Variants in RHD observed in about 807,000 individuals in gnomAD.
RHD encodes the protein Rh blood group D antigen.
A neutral mutation model predicts 45.5 loss-of-function variants in RHD; 16 were observed. That is an observed-to-expected ratio of 0.35 (90% confidence interval 0.24 to 0.53). The LOEUF (loss-of-function observed/expected upper bound fraction) is 0.53. Among genes scored for constraint, RHD ranks in the 20% least tolerant of loss-of-function variants. The probability of loss-of-function intolerance (pLI) is 0.92; values close to 1 mark genes in which losing one functional copy is unlikely to be tolerated. For missense variants in RHD, 306 were observed against 532.0 expected (o/e 0.58, Z 4.18); for synonymous variants, 131 against 217.5 (o/e 0.60, Z 3.50).
intron 8 of RHD, among the ~76,000 whole-genome samples, chr1:25,319,946 T>G (rs1207880319): frequency 7.6e-6 from 1 of 131,418 alleles, no homozygotes; most frequent in East Asian, 2.0e-4. Context: ...TTGCCCAGGC[T>G]GGAGTGCAAT....
At position 25,322,489 on chromosome 1, in the gene RHD, G is replaced by C. The variant is rs376458171; in HGVS notation, c.1227+527G>C. Among the ~76,000 whole-genome samples the C allele has an allele frequency of 6.0e-5, 8 of 132,438 alleles. No individual in the cohort carries two copies. In the East Asian group the frequency reaches 7.8e-4, roughly 13 times the overall value. The allele number at this position is 132,438 out of a possible 152,430, so 86.9% of individuals were successfully genotyped here. ...GGAGTTCGAGACCAGCCTGGCCAAC[G>C]TGTCGAAACCCCATCTCTACTAAAA... On this transcript the variant is annotated intron_variant, in intron 9 of 9. Coordinates refer to ENST00000328664, the MANE Select transcript of RHD (RefSeq NM_016124.6).
chr1:25,303,125 G>A (rs1643518385), intron 5 of RHD, among the ~76,000 whole-genome samples, 197 bp from the exon 6 acceptor site: 1 of 132,020 alleles, frequency 7.6e-6, no homozygotes, highest in Non-Finnish European at 1.8e-5. Flanking sequence ...CTGAGCCTAA[G>A]AGGCAGTAGT....
At chr1:25,313,508 T>C (rs1043338899) in intron 7 of RHD, among the ~76,000 whole-genome samples, 2 of 132,298 alleles carry the variant, frequency 1.5e-5, no homozygotes, top group African/African-American at 2.6e-5. Flanking sequence ...CACTGGGATA[T>C]AGTGTTCTGT....
chr1:25,296,948 G>T (rs1426159556), intron 3 of RHD, among the ~76,000 whole-genome samples: 2 of 130,856 alleles, frequency 1.5e-5, no homozygotes, highest in Non-Finnish European at 3.6e-5. Flanking sequence ...AAAACAAGGG[G>T]ACATTCTCTT....
At chr1:25,289,377 T>C (rs1479415070) in intron 2 of RHD, among the ~76,000 whole-genome samples, 1 of 127,430 alleles carries the variant, frequency 7.8e-6, no homozygotes, top group African/African-American at 2.6e-5. Context: ...GTATTTTTAG[T>C]TGAGACAGAG....
chr1:25,330,314 A>C lies in RHD; in HGVS notation c.*1390A>C, dbSNP rs2124196028. The C allele has an allele frequency of 7.5e-6, 1 of 133,194 alleles. No homozygotes were observed. The highest frequency in any genetic ancestry group is 2.3e-4 in the South Asian group (1 of 4,396). The allele number at this position is 133,194 out of a possible 1,614,324, so 8.3% of individuals were successfully genotyped here. On this transcript the variant is annotated 3_prime_UTR_variant, in exon 10 of 10. Transcript: ENST00000328664. ...ACACATAAACACCATTTAGTCACTG[A>C]ACATAGCTATATGTATGGTTGTTAC... is the stretch of plus-strand genomic sequence containing the variant.
At chr1:25,299,957 C>G (rs966944533) in intron 3 of RHD, among the ~76,000 whole-genome samples, 1 of 130,666 alleles carries the variant, frequency 7.7e-6, no homozygotes, top group African/African-American at 2.6e-5. Context: ...GCCATGTTGG[C>G]CAGGCTGGTA....
At chr1:25,309,354 G>A (rs1644020214) in intron 7 of RHD, among the ~76,000 whole-genome samples, 1 of 131,006 alleles carries the variant, frequency 7.6e-6, no homozygotes, top group African/African-American at 2.7e-5. Flanking sequence ...CTTGGCCTGA[G>A]AATCTCTGCA....
rs1644961157 is a variant in RHD at position 25,329,836 on chromosome 1, T to C, written c.*912T>C. ...ACCCAGCTAATTTTTGCATTTTTAC[T>C]TGACAGGGTTTCACCATGTTGGCTA... is the stretch of plus-strand genomic sequence containing the variant. On this transcript the variant is annotated 3_prime_UTR_variant, in exon 10 of 10. Coordinates refer to ENST00000328664, the MANE Select transcript of RHD (RefSeq NM_016124.6). 2 of 128,712 alleles carry C rather than the reference T, an allele frequency of 1.6e-5. 1 individual carries two copies. Among genetic ancestry groups the C allele is most frequent in the Non-Finnish European group, 3.7e-5 (2 of 54,486 alleles). 8.0% of individuals were successfully genotyped at this position (128,712 alleles called of 1,614,324 possible).
rs187394701 is a variant in RHD, at chr1:25,309,013, G to A, written c.1073+2284G>A. ...ATGACTGATGCTGCATCCGTATGAGGACATCTCTATGTAATGGAAAGATGG... is the reference window on the plus strand; with the variant it reads ...ATGACTGATGCTGCATCCGTATGAGAACATCTCTATGTAATGGAAAGATGG... On this transcript the variant is annotated intron_variant, in intron 7 of 9. Transcript: ENST00000328664. Among the ~76,000 whole-genome samples the A allele has an allele frequency of 4.8e-3, 635 of 132,112 alleles. 99 individuals are homozygous for A. Among genetic ancestry groups the A allele is most frequent in the African/African-American group, 0.015 (566 of 38,248 alleles). 86.7% of individuals were successfully genotyped at this position (132,112 alleles called of 152,430 possible).
chr1:25,298,532 G>C (rs1004160808), intron 3 of RHD, among the ~76,000 whole-genome samples: 2 of 130,400 alleles, frequency 1.5e-5, no homozygotes, highest in Non-Finnish European at 3.6e-5. Flanking sequence ...AATATTCCAG[G>C]CCAAGAATCC....
chr1:25,322,334 A>G lies in RHD; in HGVS notation c.1227+372A>G, dbSNP rs1310147406. The stretch of plus-strand genomic sequence containing the variant: ...AAGAAACCTCAAGCCTTGGAGTCCA[A>G]CCCCTTTTTTGACAGATGCTAAGAG... On this transcript the variant is annotated intron_variant, in intron 9 of 9. Transcript: ENST00000328664. Among the ~76,000 whole-genome samples, 2 of 131,960 alleles carry G rather than the reference A, an allele frequency of 1.5e-5. 1 individual carries two copies. The allele number at this position is 131,960 out of a possible 152,430, so 86.6% of individuals were successfully genotyped here.
At chr1:25,301,190 C>G (rs1303026962) in intron 4 of RHD, 97 bp downstream of exon 4, 2 of 1,110,428 alleles carry the variant, frequency 1.8e-6, no homozygotes, top group African/African-American at 3.1e-5. Context: ...TTACCAAGTT[C>G]CCCTGGGTGT....
Position 25,273,147 on chromosome 1 carries a change from T to A in RHD, c.148+452T>A, listed in dbSNP as rs1212326814. On this transcript the variant is annotated intron_variant, in intron 1 of 9. Transcript: ENST00000328664. ...TGTGGCCTCTCGCTCATTTCTTATT[T>A]CTTTTTGAGGCAGGGTCTCACTCTG... Among the ~76,000 whole-genome samples, 2 of 130,110 alleles carry A rather than the reference T, an allele frequency of 1.5e-5. 1 individual carries two copies. Among genetic ancestry groups the A allele is most frequent in the Non-Finnish European group, 3.6e-5 (2 of 55,142 alleles). 85.4% of individuals were successfully genotyped at this position (130,110 alleles called of 152,430 possible).
In RHD at chr1:25,305,758, G is replaced by A. The variant is rs543732042; in HGVS notation, c.940-838G>A. ...TGGGTCTACAGGCGCCCACCACCAC[G>A]CCCAGCTAATTTTTTGTGTTTTTAG... is the stretch of plus-strand genomic sequence containing the variant. On this transcript the variant is annotated intron_variant, in intron 6 of 9. Transcript: ENST00000328664. Among the ~76,000 whole-genome samples the A allele has an allele frequency of 6.2e-5, 8 of 129,942 alleles. 1 individual carries two copies. Among genetic ancestry groups the A allele is most frequent in the African/African-American group, 8.0e-5 (3 of 37,630 alleles). 85.2% of individuals were successfully genotyped at this position (129,942 alleles called of 152,430 possible).
At position 25,284,008 on chromosome 1, in the gene RHD, A is replaced by C. The variant is rs555018501; in HGVS notation, c.149-565A>C. ...GTGGCCCTGATGTTTTCTGCCAGCCAGCTCACCAGGTCCCTCGCAGCAGGC... is the reference window on the plus strand; with the variant it reads ...GTGGCCCTGATGTTTTCTGCCAGCCCGCTCACCAGGTCCCTCGCAGCAGGC... On this transcript the variant is annotated intron_variant, in intron 1 of 9. Coordinates refer to ENST00000328664, the MANE Select transcript of RHD (RefSeq NM_016124.6). 3.7e-5 allele frequency among the ~76,000 whole-genome samples: 5 copies of C among 134,940 alleles called. No homozygotes were observed. The South Asian group carries it at 1.1e-3, about 30-fold the overall frequency. 88.5% of individuals were successfully genotyped at this position (134,940 alleles called of 152,430 possible). A position where few individuals can be genotyped will look rare whatever the true frequency, so the allele number is the denominator to read the frequency against.
chr1:25,288,385 G>A (rs1309008217), intron 2 of RHD, among the ~76,000 whole-genome samples: 1 of 120,716 alleles, frequency 8.3e-6, no homozygotes, highest in African/African-American at 2.8e-5. Flanking sequence ...TCACTATGTT[G>A]CCCAGGCTGG....
chr1:25,309,851 G>C (rs563341321), intron 7 of RHD, among the ~76,000 whole-genome samples: 2 of 133,160 alleles, frequency 1.5e-5, no homozygotes, highest in African/African-American at 5.1e-5. Flanking sequence ...CCTGTGCAGG[G>C]AGACTGTTAT....
At chr1:25,319,644 G>A (rs983401453) in intron 8 of RHD, among the ~76,000 whole-genome samples, 1 of 131,888 alleles carries the variant, frequency 7.6e-6, no homozygotes, top group African/African-American at 2.6e-5. Context: ...CAATGGAAGG[G>A]GGAAAAAGTT....
Sources: gnomAD v4.1 joint callset for allele counts (sites outside exome capture counted in the v4.1 genomes callset) on GRCh38, gnomAD v4.1.1 for gene constraint, MANE v1.5 for transcripts, NCBI Gene and HGNC (gene_info 2026-07-23, HGNC 2026-07-21) for gene names.